CDH13: variants seen among roughly 807,000 people sequenced by gnomAD.
The protein encoded by CDH13 is cadherin 13, also known as cadherin-13.
CDH13 carries 24 observed loss-of-function variants against 63.8 expected under a neutral mutation model. The observed-to-expected ratio is 0.38, with a 90% CI of 0.27 to 0.53. The LOEUF is 0.53. Ranked by LOEUF, CDH13 falls within the 20% of genes least tolerant of loss-of-function variation. CDH13 has a pLI of 0.85. For missense variants in CDH13, 1,049 were observed against 903.1 expected (o/e 1.16, Z -2.07); for synonymous variants, 503 against 355.3 (o/e 1.42, Z -4.67).
chr16:82,743,606 G>C (rs2034031987), intron 1 of CDH13, among the ~76,000 whole-genome samples: 1 of 152,144 alleles, frequency 6.6e-6, no homozygotes, highest in Admixed American at 6.5e-5. Flanking sequence ...CACCTAGACA[G>C]AGAATAGACA....
At chr16:82,992,585 A>G (rs1597372460) in intron 2 of CDH13, among the ~76,000 whole-genome samples, 1 of 152,302 alleles carries the variant, frequency 6.6e-6, no homozygotes. Context: ...AAGGTCAAAA[A>G]GCTTTAACTA....
chr16:82,964,953 A>G (rs537289678), intron 2 of CDH13, among the ~76,000 whole-genome samples: 1 of 152,348 alleles, frequency 6.6e-6, no homozygotes, highest in East Asian at 1.9e-4. Flanking sequence ...TTATCCTCCA[A>G]GAATATCACC....
At chr16:83,497,719 TAGAC>T (rs370167333) in intron 7 of CDH13, among the ~76,000 whole-genome samples, 22 of 152,054 alleles carry the variant, frequency 1.4e-4, no homozygotes, top group African/African-American at 5.3e-4. Flanking sequence ...CATCAAAACA[TAGAC>T]AGCAGGCTGG....
At chr16:83,216,672 A>G (rs1055966662) in intron 4 of CDH13, among the ~76,000 whole-genome samples, 4 of 145,868 alleles carry the variant, frequency 2.7e-5, no homozygotes, top group African/African-American at 7.5e-5. Flanking sequence ...GGTTTCACAT[A>G]TATAAAACCC....
chr16:83,145,029 A>T (rs944239490), intron 4 of CDH13, among the ~76,000 whole-genome samples: 13 of 151,652 alleles, frequency 8.6e-5, no homozygotes, highest in African/African-American at 3.2e-4. Flanking sequence ...CGCCGTGGCT[A>T]TGTTGCCACT....
intron 5 of CDH13, among the ~76,000 whole-genome samples, chr16:83,338,569 G>A (rs775618639): frequency 3.1e-4 from 47 of 152,222 alleles, no homozygotes; most frequent in Non-Finnish European, 6.2e-4. Flanking sequence ...TAACCCATGG[G>A]AAGTGTTACA....
intron 2 of CDH13, among the ~76,000 whole-genome samples, chr16:82,981,515 C>T (rs1910262841): frequency 6.6e-6 from 1 of 152,104 alleles, no homozygotes; most frequent in African/African-American, 2.4e-5. Context: ...AGAGTCTTTC[C>T]TTGTTAGGGC....
At chr16:82,931,556 A>C (rs939632211) in intron 2 of CDH13, among the ~76,000 whole-genome samples, 1 of 148,042 alleles carries the variant, frequency 6.8e-6, no homozygotes, top group African/African-American at 2.5e-5. Flanking sequence ...AGATGGCCTT[A>C]GGTATTAGTC....
chr16:83,766,209 G>T (rs1483294099), intron 11 of CDH13, among the ~76,000 whole-genome samples: 1 of 152,066 alleles, frequency 6.6e-6, no homozygotes, highest in East Asian at 1.9e-4. Context: ...TCTCCCCAAG[G>T]GTTAGATTAG....
intron 7 of CDH13, among the ~76,000 whole-genome samples, chr16:83,527,243 A>T (rs148232366): frequency 1.3e-5 from 2 of 152,010 alleles, no homozygotes; most frequent in African/African-American, 4.8e-5. Context: ...AGGTCGGGAG[A>T]TGGAGACCAT....
intron 7 of CDH13, among the ~76,000 whole-genome samples, chr16:83,493,779 A>C (rs2074073815): frequency 1.3e-5 from 2 of 152,352 alleles, no homozygotes; most frequent in Middle Eastern, 3.4e-3. Flanking sequence ...AGCTCTGTTC[A>C]ACACAGCATT....
At chr16:83,035,694 G>A (rs374525952) in intron 3 of CDH13, among the ~76,000 whole-genome samples, 9 of 152,254 alleles carry the variant, frequency 5.9e-5, no homozygotes, top group South Asian at 2.1e-4. Context: ...GAGGGTCTAC[G>A]AGGGAAATGT....
chr16:83,518,789 A>G (rs1369212998), intron 7 of CDH13, among the ~76,000 whole-genome samples: 1 of 152,092 alleles, frequency 6.6e-6, no homozygotes, highest in Non-Finnish European at 1.5e-5. Flanking sequence ...GGTTTTATAA[A>G]GGGCTTTTCC....
intron 5 of CDH13, among the ~76,000 whole-genome samples, chr16:83,232,992 A>G (rs1567526220): frequency 6.6e-6 from 1 of 152,174 alleles, no homozygotes; most frequent in Non-Finnish European, 1.5e-5. Flanking sequence ...GAGATGAACT[A>G]AGTCCAGTCT....
chr16:83,237,279 G>A lies in CDH13; in HGVS notation c.636+19782G>A, dbSNP rs78868155. ...GCACCCACCCCATGGTGATGCTCAC[G>A]GTCACAGCCTAGTGACCCACACTTG... On this transcript the variant is annotated intron_variant, in intron 5 of 13. Transcript: ENST00000567109. Among the ~76,000 whole-genome samples the A allele has an allele frequency of 6.9e-3, 1,045 of 152,266 alleles. 8 individuals are homozygous for A. Among genetic ancestry groups the A allele is most frequent in the African/African-American group, 0.021 (892 of 41,548 alleles).
At chr16:83,397,059 C>G (rs1460168995) in intron 6 of CDH13, among the ~76,000 whole-genome samples, 3 of 152,112 alleles carry the variant, frequency 2.0e-5, no homozygotes, top group Non-Finnish European at 4.4e-5. Context: ...TGTCCTCGCT[C>G]TGGCCCTTTC....
In CDH13 at chr16:83,732,640, A is replaced by G. The variant is rs188156889; in HGVS notation, c.1539-15468A>G. Among the ~76,000 whole-genome samples, 11 of 152,292 alleles carry G rather than the reference A, an allele frequency of 7.2e-5. No homozygotes were observed. In the East Asian group the frequency reaches 2.1e-3, roughly 29 times the overall value. On this transcript the variant is annotated intron_variant, in intron 10 of 13. Transcript: ENST00000567109. The stretch of plus-strand genomic sequence containing the variant: ...GAGCTGAGCCACATTCTTCCTGGCA[A>G]CTGATGTTCCCACACGTAGAAACAG...
chr16:83,762,061 AAAAAATAAAAT>A (rs1368745709), intron 11 of CDH13, among the ~76,000 whole-genome samples: 2 of 151,736 alleles, frequency 1.3e-5, no homozygotes, highest in South Asian at 2.1e-4. Flanking sequence ...GACCCCACCT[AAAAAATAAAAT>A]AAAAATAAAA....
intron 2 of CDH13, among the ~76,000 whole-genome samples, chr16:82,941,261 A>G (rs2151308853): frequency 6.6e-6 from 1 of 152,318 alleles, no homozygotes; most frequent in African/African-American, 2.4e-5. Context: ...TTTAGTTGGG[A>G]GAGAGCAATG....
Sources: allele counts gnomAD v4.1 joint callset (sites outside exome capture counted in the v4.1 genomes callset), GRCh38; gene constraint gnomAD v4.1.1; transcripts MANE v1.5; gene names NCBI Gene and HGNC (gene_info 2026-07-23, HGNC 2026-07-21).